MTARC1: variants seen among roughly 807,000 people sequenced by gnomAD.
The protein encoded by MTARC1 is mitochondrial amidoxime reducing component 1.
MTARC1 carries 24 observed loss-of-function variants against 33.6 expected under a neutral mutation model. The ratio of observed to expected loss-of-function variants is 0.72; its 90% CI spans 0.52 to 1.01. The LOEUF (loss-of-function observed/expected upper bound fraction) is 1.01, where lower values mean the gene tolerates loss of function less well. Ranked by LOEUF, MTARC1 falls within the 50% of genes least tolerant of loss-of-function variation. The pLI is 0.00. For synonymous variants in MTARC1, 187 were observed against 189.5 expected, an observed-to-expected ratio of 0.99 and a Z score of 0.11; for missense variants, 417 against 445.7, an observed-to-expected ratio of 0.94 and a Z score of 0.58.
At chr1:220,809,309 T>C (rs959720014) in intron 6 of MTARC1, among the ~76,000 whole-genome samples, 1 of 152,152 alleles carries the variant, frequency 6.6e-6, no homozygotes, top group Non-Finnish European at 1.5e-5. Flanking sequence ...TAAGCTGCGG[T>C]CATTGAGAGT....
At chr1:220,808,857 A>G (rs1673045756) in intron 6 of MTARC1, 1 of 471,060 alleles carries the variant, frequency 2.1e-6, no homozygotes, top group African/African-American at 2.0e-5. Context: ...TTCTTTCTTA[A>G]GGGAAAGTGA....
intron 1 of MTARC1, among the ~76,000 whole-genome samples, chr1:220,789,496 T>C (rs952117066): frequency 3.9e-5 from 6 of 152,158 alleles, no homozygotes; most frequent in African/African-American, 1.4e-4. Context: ...TATGAATTTG[T>C]GTTGGGCCTC....
At chr1:220,787,673 G>A (rs138614681) in intron 1 of MTARC1, among the ~76,000 whole-genome samples, 1 of 152,260 alleles carries the variant, frequency 6.6e-6, no homozygotes, top group East Asian at 1.9e-4. Flanking sequence ...CCAAGGCGGA[G>A]CTCATAATAG....
intron 6 of MTARC1, among the ~76,000 whole-genome samples, chr1:220,812,990 T>G (rs1224573929): frequency 1.3e-5 from 2 of 152,078 alleles, no homozygotes; most frequent in Non-Finnish European, 2.9e-5. Flanking sequence ...CCTCCCAAAG[T>G]GCTGGGATTA....
chr1:220,810,977 A>G (rs533334795), intron 6 of MTARC1, among the ~76,000 whole-genome samples: 93 of 152,336 alleles, frequency 6.1e-4, no homozygotes, highest in South Asian at 2.1e-3. Flanking sequence ...AGGATTAAAA[A>G]AGAGAACATG....
At chr1:220,804,417 C>G (rs1377618260) in intron 4 of MTARC1, among the ~76,000 whole-genome samples, 1 of 152,180 alleles carries the variant, frequency 6.6e-6, no homozygotes, top group Non-Finnish European at 1.5e-5. Flanking sequence ...GATGGCCTAT[C>G]TTGGCTGCTG....
chr1:220,816,234 C>T lies in MTARC1; in HGVS notation c.*2816C>T, dbSNP rs934400527. The T allele has an allele frequency of 1.1e-4, 17 of 152,136 alleles. No homozygotes were observed. Among genetic ancestry groups the T allele is most frequent in the Admixed American group, 1.0e-3 (16 of 15,266 alleles). The allele number at this position is 152,136 out of a possible 1,614,324, so 9.4% of individuals were successfully genotyped here. A position where few individuals can be genotyped will look rare whatever the true frequency, so the allele number is the denominator to read the frequency against. On this transcript the variant is annotated 3_prime_UTR_variant, in exon 7 of 7. Coordinates refer to ENST00000366910, the MANE Select transcript of MTARC1 (RefSeq NM_022746.4). Reference sequence around the variant, plus strand: ...CGGGAAACCATTTATGAGGCTGTCACCAACAGTGATGGCAGGCTGAAATTC... The same window carrying T: ...CGGGAAACCATTTATGAGGCTGTCATCAACAGTGATGGCAGGCTGAAATTC...
intron 6 of MTARC1, chr1:220,808,789 G>T (rs757518854): frequency 1.9e-5 from 9 of 470,562 alleles, no homozygotes; most frequent in African/African-American, 6.0e-5. Flanking sequence ...TGCTCACAGC[G>T]GGAGGCACAG....
At chr1:220,796,344 T>C (rs996547379) in intron 2 of MTARC1, among the ~76,000 whole-genome samples, 3 of 152,204 alleles carry the variant, frequency 2.0e-5, no homozygotes, top group African/African-American at 7.2e-5. Context: ...GAGAACTCAG[T>C]ACATTTTTAA....
rs1428105508 is a variant in MTARC1 at position 220,809,449 on chromosome 1, TG to T, written c.888-3841del. Among the ~76,000 whole-genome samples, 6 of 152,180 alleles carry T rather than the reference TG, an allele frequency of 3.9e-5. No individual in the cohort carries two copies. The East Asian group carries it at 1.2e-3, about 29-fold the overall frequency. On this transcript the variant is annotated intron_variant, in intron 6 of 6. Coordinates refer to ENST00000366910, the MANE Select transcript of MTARC1 (RefSeq NM_022746.4). ...GCGGCCAGCCTCTGGAGGTTCAGTGTGGCACCTCTCCCAGGAACGTTCACGA... is the reference window on the plus strand; with the variant it reads ...GCGGCCAGCCTCTGGAGGTTCAGTGTGCACCTCTCCCAGGAACGTTCACGA...
chr1:220,802,072 G>T (rs12124030), intron 4 of MTARC1, among the ~76,000 whole-genome samples: 45,075 of 151,944 alleles, frequency 0.3, 6,744 homozygotes, highest in African/African-American at 0.34. Flanking sequence ...TAGCTGTACT[G>T]CCCTTGCTTC....
chr1:220,797,095 CA>C (rs1186234505), intron 3 of MTARC1, among the ~76,000 whole-genome samples: 4 of 151,932 alleles, frequency 2.6e-5, no homozygotes, highest in African/African-American at 9.7e-5. Context: ...TTTTTCATTC[CA>C]TTCTGTAATT....
At chr1:220,810,555 T>G (rs1164666937) in intron 6 of MTARC1, among the ~76,000 whole-genome samples, 3 of 149,776 alleles carry the variant, frequency 2.0e-5, no homozygotes, top group African/African-American at 7.6e-5. Context: ...ACCTGCACTT[T>G]CACAAAGCAG....
chr1:220,801,616 G>A (rs1672809795), intron 4 of MTARC1, among the ~76,000 whole-genome samples: 1 of 152,192 alleles, frequency 6.6e-6, no homozygotes, highest in African/African-American at 2.4e-5. Flanking sequence ...CAGTGCTGGG[G>A]CTCAGGAGAG....
At chr1:220,800,599 T>A (rs886778160) in intron 4 of MTARC1, among the ~76,000 whole-genome samples, 8 of 148,452 alleles carry the variant, frequency 5.4e-5, no homozygotes, top group African/African-American at 1.2e-4. Context: ...TTTTTTTTTT[T>A]ATTTAATCAT....
In MTARC1 at chr1:220,805,041, T is replaced by C; in HGVS notation, c.754-11T>C. On this transcript the variant is annotated splice_polypyrimidine_tract_variant and intron_variant, in intron 4 of 6. Coordinates refer to ENST00000366910, the MANE Select transcript of MTARC1 (RefSeq NM_022746.4). ...AGAGATGCTCATGGGAATTTGTGCTTTGTCCCCTAGGATTCTTGGGATGAG... is the reference window on the plus strand; with the variant it reads ...AGAGATGCTCATGGGAATTTGTGCTCTGTCCCCTAGGATTCTTGGGATGAG... 6.2e-7 allele frequency: 1 copy of C among 1,614,130 alleles called. No homozygotes were observed. Among genetic ancestry groups the C allele is most frequent in the Non-Finnish European group, 8.5e-7 (1 of 1,180,002 alleles).
rs865922535 is a variant in MTARC1 at position 220,813,231 on chromosome 1, G to A, written c.888-61G>A. ...AGGCCCTGTGTGGGATGGAAGCCAC[G>A]TGCTGGTTGAGCTCTTGCATCCGCT... On this transcript the variant is annotated intron_variant, in intron 6 of 6. Transcript: ENST00000366910. The A allele has an allele frequency of 3.5e-5, 56 of 1,611,410 alleles. No homozygotes were observed. In the Middle Eastern group the frequency reaches 5.0e-4, roughly 14 times the overall value.
intron 4 of MTARC1, among the ~76,000 whole-genome samples, chr1:220,800,682 C>T (rs1391938498): frequency 1.3e-5 from 2 of 152,024 alleles, no homozygotes; most frequent in Non-Finnish European, 1.5e-5. Flanking sequence ...CCTGCTTCTC[C>T]ATATCTCCAT....
intron 1 of MTARC1, 111 bp downstream of exon 1, chr1:220,787,330 ATT>A: frequency 7.4e-7 from 1 of 1,344,270 alleles, no homozygotes; most frequent in Non-Finnish European, 9.5e-7. Context: ...CCTTCCTCCT[ATT>A]ACAAAGAAAC....
Sources: allele counts gnomAD v4.1 joint callset (sites outside exome capture counted in the v4.1 genomes callset), GRCh38; gene constraint gnomAD v4.1.1; transcripts MANE v1.5; gene names NCBI Gene and HGNC (gene_info 2026-07-23, HGNC 2026-07-21).